Variants in DMTN observed in about 807,000 individuals in gnomAD.
The protein encoded by DMTN is dematin.
DMTN carries 27 observed loss-of-function variants against 59.4 expected under a neutral mutation model. The observed-to-expected ratio is 0.45, with a 90% CI of 0.33 to 0.63. DMTN has a LOEUF of 0.63. Among genes scored for constraint, DMTN ranks in the 20% least tolerant of loss-of-function variants. The pLI is 0.02. For missense variants in DMTN, 451 were observed against 528.9 expected (o/e 0.85, Z 1.45); for synonymous variants, 221 against 203.7 (o/e 1.08, Z -0.72).
intron 8 of DMTN, among the ~76,000 whole-genome samples, chr8:22,071,865 T>G (rs1815805490): frequency 2.0e-5 from 3 of 151,976 alleles, no homozygotes; most frequent in Admixed American, 2.0e-4. Flanking sequence ...CAGGCGTGAG[T>G]CCCCGCGCCC....
In DMTN at chr8:22,082,318, C is replaced by A; in HGVS notation, c.*855C>A. 1 of 441,188 alleles carries A rather than the reference C, an allele frequency of 2.3e-6. No homozygotes were observed. Among genetic ancestry groups the A allele is most frequent in the Non-Finnish European group, 4.6e-6 (1 of 217,242 alleles). The allele number at this position is 441,188 out of a possible 1,614,324, so 27.3% of individuals were successfully genotyped here. On this transcript the variant is annotated 3_prime_UTR_variant, in exon 16 of 16. Coordinates refer to ENST00000358242, the MANE Select transcript of DMTN (RefSeq NM_001387751.1). ...AGAATGTAATTTATTGGGGCCCCCC[C>A]AGCTGCTTTCCTCACCTGCCCCTGC...
At chr8:22,056,761 A>C (rs1802785842), upstream of DMTN, 1 of 151,612 alleles carries the variant, frequency 6.6e-6, no homozygotes, top group Admixed American at 6.6e-5. Context: ...GGAAGTGGGG[A>C]GGGCGCGGGG....
chr8:22,073,948 T>G (rs947927590), intron 10 of DMTN, 113 bp downstream of exon 10: 20 of 793,052 alleles, frequency 2.5e-5, no homozygotes, highest in Non-Finnish European at 3.6e-5. Context: ...AAAGCACGGC[T>G]GCTCTCTTGG....
At chr8:22,062,571 C>T (rs1340354377) in intron 1 of DMTN, among the ~76,000 whole-genome samples, 1 of 152,148 alleles carries the variant, frequency 6.6e-6, no homozygotes, top group Non-Finnish European at 1.5e-5. Flanking sequence ...ACATTAAAGG[C>T]CTTAGGCCAA....
In DMTN at chr8:22,080,379, C is replaced by T. The variant is rs375569946; in HGVS notation, c.901-33C>T. ...GAAGGGGACCAAAGGTGAATATCCC[C>T]GACTGCCTCTGATTCCTTTGTGTCC... On this transcript the variant is annotated intron_variant, in intron 11 of 15. Transcript: ENST00000358242. 48 of 1,613,914 alleles carry T rather than the reference C, an allele frequency of 3.0e-5. 1 individual carries two copies. Among genetic ancestry groups the T allele is most frequent in the South Asian group, 2.6e-4 (24 of 91,058 alleles).
rs1814301940 is a variant in DMTN at position 22,070,302 on chromosome 8, A to G, written c.572A>G (p.Tyr191Cys). Residue 191 changes from tyrosine to cysteine, a missense_variant, in exon 8 of 16, where the codon TAC (tyrosine) becomes TGC (cysteine). Coordinates refer to ENST00000358242, the MANE Select transcript of DMTN (RefSeq NM_001387751.1). ...PNQPAKIETDYWPCPPSLAVV... is the reference protein window; with the variant it reads ...PNQPAKIETDCWPCPPSLAVV... Reference sequence around the variant, plus strand: ...CAGCCAGCCAAAATCGAAACCGACTACTGGCCATGCCCCCCGTCTCTGGCT... The same window carrying G: ...CAGCCAGCCAAAATCGAAACCGACTGCTGGCCATGCCCCCCGTCTCTGGCT... 9 of 1,612,858 alleles carry G rather than the reference A, an allele frequency of 5.6e-6. No individual in the cohort carries two copies. Among genetic ancestry groups the G allele is most frequent in the Non-Finnish European group, 7.6e-6 (9 of 1,179,352 alleles).
rs752623098 is a variant in DMTN at position 22,081,922 on chromosome 8, G to A, written c.*459G>A. ...CTCCTGACAGCTTTCCTGCACTGCA[G>A]CCTCCTGCTCCTCTGACTCTAGTGG... On this transcript the variant is annotated 3_prime_UTR_variant, in exon 16 of 16. Coordinates refer to ENST00000358242, the MANE Select transcript of DMTN (RefSeq NM_001387751.1). 6.7e-6 allele frequency: 3 copies of A among 450,808 alleles called. No homozygotes were observed. In the East Asian group the frequency reaches 2.2e-4, roughly 33 times the overall value. The allele number at this position is 450,808 out of a possible 1,614,324, so 27.9% of individuals were successfully genotyped here.
chr8:22,075,779 A>G (rs1183289575), intron 10 of DMTN, among the ~76,000 whole-genome samples: 1 of 152,148 alleles, frequency 6.6e-6, no homozygotes, highest in Non-Finnish European at 1.5e-5. Flanking sequence ...TTGGCCTCCC[A>G]AAGTGCTGGG....
upstream of DMTN, among the ~76,000 whole-genome samples, chr8:22,055,922 G>C (rs920455724): frequency 1.3e-4 from 20 of 152,288 alleles, no homozygotes; most frequent in African/African-American, 4.8e-4. Context: ...GCTGGGGGCA[G>C]GGTTGCCAGG....
At chr8:22,054,860 C>T (rs889374172), upstream of DMTN, 3 of 152,700 alleles carry the variant, frequency 2.0e-5, no homozygotes, top group East Asian at 1.9e-4. Flanking sequence ...CCTCCTCCCC[C>T]CCTCCCTGCT....
intron 2 of DMTN, 63 bp from the exon 3 acceptor site, chr8:22,067,022 C>G: frequency 6.9e-7 from 1 of 1,459,202 alleles, no homozygotes; most frequent in Non-Finnish European, 9.1e-7. Flanking sequence ...GGCCTAGGGC[C>G]GCCCCCGCCC....
chr8:22,075,242 T>C (rs1324592222), intron 10 of DMTN, among the ~76,000 whole-genome samples: 1 of 151,316 alleles, frequency 6.6e-6, no homozygotes, highest in African/African-American at 2.4e-5. Context: ...CACTTCTTCA[T>C]TGTAGCTGCC....
chr8:22,067,203 G>A (rs752649320), intron 3 of DMTN, 44 bp downstream of exon 3: 1 of 1,589,310 alleles, frequency 6.3e-7, no homozygotes, highest in Non-Finnish European at 8.6e-7. Context: ...GCTGGGAGGG[G>A]GGAGGGTGGG....
intron 4 of DMTN, among the ~76,000 whole-genome samples, 185 bp from the exon 5 acceptor site, chr8:22,068,831 C>T (rs1165299126): frequency 3.3e-5 from 5 of 152,102 alleles, no homozygotes; most frequent in Admixed American, 6.5e-5. Context: ...CTCTGTGCCT[C>T]CTGTGGGAAG....
rs1812979021 is a variant in DMTN, at chr8:22,068,996, A to T, written c.250-20A>T. ...TGAATCTGCCCCTGTAGCTCTGACC[A>T]GCCCCCTCTCCATTCACAGCGCTCG... On this transcript the variant is annotated intron_variant, in intron 4 of 15. Coordinates refer to ENST00000358242, the MANE Select transcript of DMTN (RefSeq NM_001387751.1). The T allele has an allele frequency of 6.2e-7, 1 of 1,612,130 alleles. No homozygotes were observed. The highest frequency in any genetic ancestry group is 1.3e-5 in the African/African-American group (1 of 74,924).
In DMTN at chr8:22,081,099, C is replaced by A; in HGVS notation, c.1024-14C>A. The A allele has an allele frequency of 1.7e-5, 11 of 639,268 alleles. No individual in the cohort carries two copies. The highest frequency in any genetic ancestry group is 2.9e-4 in the Middle Eastern group (1 of 3,466). 39.6% of individuals were successfully genotyped at this position (639,268 alleles called of 1,614,324 possible). On this transcript the variant is annotated splice_polypyrimidine_tract_variant and intron_variant, in intron 14 of 15. Coordinates refer to ENST00000358242, the MANE Select transcript of DMTN (RefSeq NM_001387751.1). ...ATTCTGTGAGCCTAAGATTGCCCCT[C>A]CCCCCACCCCCAGATCTATCCCTAT...
intron 10 of DMTN, among the ~76,000 whole-genome samples, chr8:22,076,639 A>G (rs765796255): frequency 6.6e-6 from 1 of 151,820 alleles, no homozygotes; most frequent in Non-Finnish European, 1.5e-5. Context: ...TATACACGAT[A>G]TATATAGTGA....
At chr8:22,049,541 C>T (rs988362435), upstream of DMTN, among the ~76,000 whole-genome samples, 29 of 147,354 alleles carry the variant, frequency 2.0e-4, no homozygotes, top group Non-Finnish European at 2.1e-4. Flanking sequence ...TTAATCTTGT[C>T]GAGGGGGAGG....
In DMTN at chr8:22,081,469, C is replaced by G; in HGVS notation, c.*6C>G. 9 of 1,613,246 alleles carry G rather than the reference C, an allele frequency of 5.6e-6. No individual in the cohort carries two copies. The highest frequency in any genetic ancestry group is 7.6e-6 in the Non-Finnish European group (9 of 1,179,230). ...AGAAGGCCTCTCTCTTCTGATGGCCCCCACCTGCTCCGGGACGGCCCCCTT... is the reference window on the plus strand; with the variant it reads ...AGAAGGCCTCTCTCTTCTGATGGCCGCCACCTGCTCCGGGACGGCCCCCTT... On this transcript the variant is annotated 3_prime_UTR_variant, in exon 16 of 16. Coordinates refer to ENST00000358242, the MANE Select transcript of DMTN (RefSeq NM_001387751.1).
Sources: allele counts gnomAD v4.1 joint callset (sites outside exome capture counted in the v4.1 genomes callset), GRCh38; gene constraint gnomAD v4.1.1; transcripts MANE v1.5; gene names NCBI Gene and HGNC (gene_info 2026-07-23, HGNC 2026-07-21).